Variants in MPV17L observed in about 807,000 individuals in gnomAD.
MPV17L encodes MPV17 mitochondrial inner membrane protein like, also known as mpv17-like protein.
In MPV17L, 24 loss-of-function variants were observed where a neutral mutation model predicts 25.8. That is an observed-to-expected ratio of 0.93 (90% CI 0.67 to 1.31). MPV17L has a LOEUF of 1.31. Among genes scored for constraint, MPV17L ranks in the 50% most tolerant of loss-of-function variants. MPV17L has a pLI of 0.00. For missense variants in MPV17L, 250 were observed against 265.6 expected (o/e 0.94, Z 0.41); for synonymous variants, 102 against 115.3 (o/e 0.88, Z 0.74).
intron 2 of MPV17L, among the ~76,000 whole-genome samples, chr16:15,401,671 A>T (rs1376133599): frequency 6.6e-6 from 1 of 152,062 alleles, no homozygotes; most frequent in African/African-American, 2.4e-5. Context: ...AATACAAAAA[A>T]TAGTCAGGCA....
chr16:15,399,276 T>C (rs1177901548), intron 1 of MPV17L, among the ~76,000 whole-genome samples: 1 of 152,146 alleles, frequency 6.6e-6, no homozygotes, highest in Non-Finnish European at 1.5e-5. Flanking sequence ...TCGTCTGTAA[T>C]TAACTAATAA....
At chr16:15,402,198 G>C (rs1331232408) in intron 2 of MPV17L, among the ~76,000 whole-genome samples, 1 of 152,138 alleles carries the variant, frequency 6.6e-6, no homozygotes, top group Non-Finnish European at 1.5e-5. Flanking sequence ...AATATATACA[G>C]TCCAGTCCAA....
chr16:15,403,906 G>A (rs1357618234), intron 2 of MPV17L, among the ~76,000 whole-genome samples: 5 of 151,966 alleles, frequency 3.3e-5, no homozygotes, highest in Non-Finnish European at 7.4e-5. Flanking sequence ...GATGGCTCAC[G>A]CCTGTAATCA....
chr16:15,396,229 TG>T lies in MPV17L; in HGVS notation c.310+28del. The T allele has an allele frequency of 3.9e-6, 6 of 1,536,114 alleles. No individual in the cohort carries two copies. The African/African-American group carries it at 4.2e-5, about 11-fold the overall frequency. ...GTCGGTGAGGGGCCGGGAGGGGACC[TG>T]GGGGGTGGGACCCAGTATTGGGGGA... On this transcript the variant is annotated intron_variant, in intron 1 of 3. Coordinates refer to ENST00000396385, the MANE Select transcript of MPV17L (RefSeq NM_001128423.2).
In MPV17L at chr16:15,412,984, T is replaced by C. The variant is rs2050747423; in HGVS notation, c.*4872T>C. ...ATCCTTTAAAATTCATTTGAAGTTATGAAAAGATAGTTTTTGTTACATGGG... is the reference window on the plus strand; with the variant it reads ...ATCCTTTAAAATTCATTTGAAGTTACGAAAAGATAGTTTTTGTTACATGGG... On this transcript the variant is annotated 3_prime_UTR_variant, in exon 4 of 4. Transcript: ENST00000396385. The C allele has an allele frequency of 1.3e-5, 2 of 152,222 alleles. No homozygotes were observed. The highest frequency in any genetic ancestry group is 4.1e-4 in the South Asian group (2 of 4,834). The allele number at this position is 152,222 out of a possible 1,614,324, so 9.4% of individuals were successfully genotyped here. A position where few individuals can be genotyped will look rare whatever the true frequency, so the allele number is the denominator to read the frequency against.
Position 15,406,053 on chromosome 16 carries a change from G to C in MPV17L, c.382-1771G>C, listed in dbSNP as rs921955677. Among the ~76,000 whole-genome samples, 18 of 151,978 alleles carry C rather than the reference G, an allele frequency of 1.2e-4. No homozygotes were observed. In the Middle Eastern group the frequency reaches 0.014, roughly 115 times the overall value. On this transcript the variant is annotated intron_variant, in intron 2 of 3. Transcript: ENST00000396385. ...AAAATACAAAATTTAGCCAGGCATG[G>C]TCGTGTGCACCTGTAATCCCAGCTA...
At chr16:15,406,698 G>C (rs927701153) in intron 2 of MPV17L, among the ~76,000 whole-genome samples, 15 of 152,128 alleles carry the variant, frequency 9.9e-5, no homozygotes, top group Non-Finnish European at 2.1e-4. Context: ...GGCCGAGGCA[G>C]GCAAATCACC....
At chr16:15,396,663 G>C (rs145760191) in intron 1 of MPV17L, among the ~76,000 whole-genome samples, 112 of 152,308 alleles carry the variant, frequency 7.4e-4, no homozygotes, top group African/African-American at 2.6e-3. Flanking sequence ...CCGACCTGCT[G>C]TTCAGAAAAT....
At chr16:15,406,840 T>C (rs62039097) in intron 2 of MPV17L, among the ~76,000 whole-genome samples, 17,348 of 152,110 alleles carry the variant, frequency 0.11, 1,052 homozygotes, top group African/African-American at 0.14. Flanking sequence ...GCAGGAGAAC[T>C]GCTTGAACCT....
chr16:15,396,405 G>A (rs1256939627), intron 1 of MPV17L, among the ~76,000 whole-genome samples, 198 bp downstream of exon 1: 9 of 152,164 alleles, frequency 5.9e-5, no homozygotes, highest in Admixed American at 4.6e-4. Context: ...GTTTGATTGC[G>A]AAAATTTGCA....
Position 15,396,217 on chromosome 16 carries a change from C to G in MPV17L, c.310+10C>G. The G allele has an allele frequency of 6.5e-7, 1 of 1,538,972 alleles. No individual in the cohort carries two copies. Among genetic ancestry groups the G allele is most frequent in the South Asian group, 1.2e-5 (1 of 83,620 alleles). On this transcript the variant is annotated intron_variant, in intron 1 of 3. Coordinates refer to ENST00000396385, the MANE Select transcript of MPV17L (RefSeq NM_001128423.2). ...TCGGCCTTCTATGTCGGTGAGGGGC[C>G]GGGAGGGGACCTGGGGGGTGGGACC...
intron 1 of MPV17L, 127 bp from the exon 2 acceptor site, chr16:15,400,660 G>A (rs1191471478): frequency 5.3e-6 from 3 of 562,684 alleles, no homozygotes; most frequent in Middle Eastern, 5.4e-4. Flanking sequence ...TCACTGTTGG[G>A]TCAGAGGGTC....
In MPV17L at chr16:15,408,873, C is replaced by G. The variant is rs1402818009; in HGVS notation, c.*761C>G. Reference sequence around the variant, plus strand: ...GATCTCGGCTCACTGCAAGCTCCGCCTCCCGGGTTCACGCCATTCTGCGTC... The same window carrying G: ...GATCTCGGCTCACTGCAAGCTCCGCGTCCCGGGTTCACGCCATTCTGCGTC... On this transcript the variant is annotated 3_prime_UTR_variant, in exon 4 of 4. Coordinates refer to ENST00000396385, the MANE Select transcript of MPV17L (RefSeq NM_001128423.2). The G allele has an allele frequency of 6.7e-6, 1 of 150,332 alleles. No individual in the cohort carries two copies. Among genetic ancestry groups the G allele is most frequent in the African/African-American group, 2.5e-5 (1 of 40,652 alleles). 9.3% of individuals were successfully genotyped at this position (150,332 alleles called of 1,614,324 possible). A position where few individuals can be genotyped will look rare whatever the true frequency, so the allele number is the denominator to read the frequency against.
rs2050572875 is a variant in MPV17L at position 15,395,830 on chromosome 16, G to A, written c.-68G>A. 8 of 1,318,802 alleles carry A rather than the reference G, an allele frequency of 6.1e-6. No individual in the cohort carries two copies. The highest frequency in any genetic ancestry group is 7.8e-6 in the Non-Finnish European group (8 of 1,027,606). The allele number at this position is 1,318,802 out of a possible 1,614,324, so 81.7% of individuals were successfully genotyped here. The stretch of plus-strand genomic sequence containing the variant: ...TGCAGTAGCTGCTGGAGGCTGGGGA[G>A]GCCCGGACCCGGTGCAGGAAGACGC... On this transcript the variant is annotated 5_prime_UTR_variant, in exon 1 of 4. Coordinates refer to ENST00000396385, the MANE Select transcript of MPV17L (RefSeq NM_001128423.2).
intron 1 of MPV17L, among the ~76,000 whole-genome samples, chr16:15,397,102 G>A (rs749036289): frequency 3.3e-5 from 5 of 152,108 alleles, no homozygotes; most frequent in Non-Finnish European, 7.4e-5. Context: ...CACAAGAAAG[G>A]AAGACACTGG....
chr16:15,403,368 C>CAA (rs36042308), intron 2 of MPV17L, among the ~76,000 whole-genome samples: 2,187 of 72,858 alleles, frequency 0.03, 51 homozygotes, highest in Middle Eastern at 0.059. Context: ...GACTCCGTCT[C>CAA]AAAAAAAAAA....
intron 2 of MPV17L, among the ~76,000 whole-genome samples, chr16:15,406,514 G>A (rs2050681665): frequency 6.6e-6 from 1 of 152,010 alleles, no homozygotes; most frequent in African/African-American, 2.4e-5. Context: ...CTTGTGAAAT[G>A]TCTATCTAAC....
chr16:15,411,230 TCAAAA>T lies in MPV17L; in HGVS notation c.*3123_*3127del, dbSNP rs950645819. ...CTAGGCGACAGAGCGAGAATCTGTCTCAAAACAAACAAACAAACAAAAAACTGTAC... is the reference window on the plus strand; with the variant it reads ...CTAGGCGACAGAGCGAGAATCTGTCTCAAACAAACAAACAAAAAACTGTAC... On this transcript the variant is annotated 3_prime_UTR_variant, in exon 4 of 4. Transcript: ENST00000396385. The T allele has an allele frequency of 6.6e-6, 1 of 152,386 alleles. No homozygotes were observed. The highest frequency in any genetic ancestry group is 2.4e-5 in the African/African-American group (1 of 41,416). 9.4% of individuals were successfully genotyped at this position (152,386 alleles called of 1,614,324 possible). A position where few individuals can be genotyped will look rare whatever the true frequency, so the allele number is the denominator to read the frequency against.
intron 2 of MPV17L, among the ~76,000 whole-genome samples, chr16:15,405,771 T>C (rs1217312510): frequency 2.0e-5 from 3 of 151,742 alleles, no homozygotes; most frequent in African/African-American, 7.3e-5. Flanking sequence ...AGGGCCAGGC[T>C]CGGTGTCTCA....
Sources: allele counts gnomAD v4.1 joint callset (sites outside exome capture counted in the v4.1 genomes callset), GRCh38; gene constraint gnomAD v4.1.1; transcripts MANE v1.5; gene names NCBI Gene and HGNC (gene_info 2026-07-23, HGNC 2026-07-21).